Variants in IMMP2L observed in about 807,000 individuals in gnomAD.
IMMP2L encodes the protein inner mitochondrial membrane peptidase subunit 2.
Under a neutral mutation model 19.3 loss-of-function variants are expected in IMMP2L, and 18 were observed. That is an observed-to-expected ratio of 0.93 (90% confidence interval 0.64 to 1.38). The LOEUF is 1.38. Among genes scored for constraint, IMMP2L ranks in the 40% most tolerant of loss-of-function variants. IMMP2L has a pLI of 0.00. For missense variants in IMMP2L, 233 were observed against 218.2 expected (o/e 1.07, Z -0.43); for synonymous variants, 76 against 73.0 (o/e 1.04, Z -0.21).
intron 2 of IMMP2L, among the ~76,000 whole-genome samples, chr7:111,494,035 C>T (rs1049122494): frequency 6.6e-6 from 1 of 151,922 alleles, no homozygotes; most frequent in African/African-American, 2.4e-5. Context: ...TTTTTCAAAT[C>T]GATGAAGTTA....
chr7:110,755,503 A>G (rs577579327), intron 5 of IMMP2L, among the ~76,000 whole-genome samples: 1 of 152,246 alleles, frequency 6.6e-6, no homozygotes, highest in South Asian at 2.1e-4. Context: ...GATAGCCACA[A>G]TCTAAATATA....
At chr7:111,371,158 T>C (rs1830229089) in intron 3 of IMMP2L, among the ~76,000 whole-genome samples, 1 of 151,940 alleles carries the variant, frequency 6.6e-6, no homozygotes. Flanking sequence ...ACATAGCAAC[T>C]TGAGGAGAGT....
chr7:110,680,377 C>T (rs1383099400), intron 5 of IMMP2L, among the ~76,000 whole-genome samples: 1 of 152,160 alleles, frequency 6.6e-6, no homozygotes, highest in African/African-American at 2.4e-5. Flanking sequence ...CTCTGCCTGT[C>T]TCCTCACCCT....
Position 111,342,453 on chromosome 7 carries a change from G to A in IMMP2L, c.239+144785C>T, listed in dbSNP as rs562392436. On this transcript the variant is annotated intron_variant, in intron 3 of 5. Transcript: ENST00000405709. Reference sequence around the variant, plus strand: ...CTAAAAATACAAAAATTAGCTGGGCGTGGTGGCACGTGCCTGTAATCCCAG... The same window carrying A: ...CTAAAAATACAAAAATTAGCTGGGCATGGTGGCACGTGCCTGTAATCCCAG... Among the ~76,000 whole-genome samples the A allele has an allele frequency of 2.1e-4, 32 of 151,910 alleles. 2 individuals carry two copies. The highest frequency in any genetic ancestry group is 6.0e-4 in the African/African-American group (25 of 41,496).
intron 5 of IMMP2L, among the ~76,000 whole-genome samples, chr7:110,784,585 G>A (rs746025414): frequency 6.6e-6 from 1 of 151,966 alleles, no homozygotes; most frequent in Non-Finnish European, 1.5e-5. Flanking sequence ...AAATGTAAAT[G>A]TGATCACCCC....
chr7:111,264,587 T>C (rs1817645058), intron 3 of IMMP2L, among the ~76,000 whole-genome samples: 1 of 151,764 alleles, frequency 6.6e-6, no homozygotes, highest in Non-Finnish European at 1.5e-5. Flanking sequence ...AGCACTATTT[T>C]TGACTTGATT....
intron 3 of IMMP2L, among the ~76,000 whole-genome samples, chr7:111,030,372 C>T (rs1169541892): frequency 6.6e-6 from 1 of 152,040 alleles, no homozygotes; most frequent in African/African-American, 2.4e-5. Flanking sequence ...TCCTTATTTC[C>T]CCATTTAATG....
intron 3 of IMMP2L, among the ~76,000 whole-genome samples, chr7:111,359,294 G>T (rs1829028399): frequency 6.6e-6 from 1 of 151,700 alleles, no homozygotes; most frequent in Non-Finnish European, 1.5e-5. Flanking sequence ...AATTCTCCAG[G>T]TTTTTGTTTG....
chr7:111,243,551 A>G (rs1189312017), intron 3 of IMMP2L, among the ~76,000 whole-genome samples: 1 of 140,320 alleles, frequency 7.1e-6, no homozygotes, highest in Non-Finnish European at 1.5e-5. Flanking sequence ...GTTTTAGGGT[A>G]CATGTGCACA....
intron 3 of IMMP2L, among the ~76,000 whole-genome samples, chr7:111,366,324 C>A (rs1829754354): frequency 6.9e-6 from 1 of 144,746 alleles, no homozygotes; most frequent in Admixed American, 7.0e-5. Flanking sequence ...AAATGAGAAG[C>A]ATTCTATTAA....
intron 3 of IMMP2L, among the ~76,000 whole-genome samples, chr7:110,964,141 G>C (rs1819279369): frequency 6.6e-6 from 1 of 151,948 alleles, no homozygotes; most frequent in Non-Finnish European, 1.5e-5. Context: ...CAAGTTTCCT[G>C]AGAACTTCAC....
chr7:110,717,334 G>A (rs940334282), intron 5 of IMMP2L, among the ~76,000 whole-genome samples: 3 of 152,098 alleles, frequency 2.0e-5, no homozygotes, highest in Non-Finnish European at 2.9e-5. Context: ...AAAAATTAGC[G>A]GGTGTCTGTA....
chr7:111,225,691 CAA>C (rs36112021), intron 3 of IMMP2L, among the ~76,000 whole-genome samples: 17 of 112,624 alleles, frequency 1.5e-4, no homozygotes, highest in African/African-American at 2.6e-4. Context: ...GAGATAGAGC[CAA>C]AAAAAAAAAA....
At position 110,864,413 on chromosome 7, in the gene IMMP2L, G is replaced by A. The variant is rs542909305; in HGVS notation, c.408+22180C>T. Among the ~76,000 whole-genome samples, 8 of 152,044 alleles carry A rather than the reference G, an allele frequency of 5.3e-5. No homozygotes were observed. In the South Asian group the frequency reaches 1.7e-3, roughly 32 times the overall value. On this transcript the variant is annotated intron_variant, in intron 5 of 5. Coordinates refer to ENST00000405709, the MANE Select transcript of IMMP2L (RefSeq NM_032549.4). ...AAGCATGAAAAGAATATTTTTAAGA[G>A]TAATAAAGAGAACTATTGCTGCTAC...
At chr7:110,795,557 C>A (rs924379248) in intron 5 of IMMP2L, among the ~76,000 whole-genome samples, 1 of 152,030 alleles carries the variant, frequency 6.6e-6, no homozygotes, top group African/African-American at 2.4e-5. Context: ...CAAGCATAAG[C>A]ATAGCAGCCA....
intron 1 of IMMP2L, among the ~76,000 whole-genome samples, chr7:111,531,745 T>C (rs1289009726): frequency 6.6e-6 from 1 of 152,156 alleles, no homozygotes; most frequent in Non-Finnish European, 1.5e-5. Flanking sequence ...GCTAACAATG[T>C]GAGGACTTAA....
chr7:111,182,438 A>G lies in IMMP2L; in HGVS notation c.240-218873T>C, dbSNP rs536685101. 9.3e-4 allele frequency among the ~76,000 whole-genome samples: 141 copies of G among 152,080 alleles called. 2 individuals are homozygous for G. Among genetic ancestry groups the G allele is most frequent in the African/African-American group, 3.3e-3 (139 of 41,504 alleles). Reference sequence around the variant, plus strand: ...TCAGAGCCCAGTCCCCGAAAACTCCATGATGCATTCCACTCAAAAGAATCC... The same window carrying G: ...TCAGAGCCCAGTCCCCGAAAACTCCGTGATGCATTCCACTCAAAAGAATCC... On this transcript the variant is annotated intron_variant, in intron 3 of 5. Coordinates refer to ENST00000405709, the MANE Select transcript of IMMP2L (RefSeq NM_032549.4).
chr7:110,983,457 AT>A (rs1159064844), intron 3 of IMMP2L, among the ~76,000 whole-genome samples: 1 of 151,996 alleles, frequency 6.6e-6, no homozygotes, highest in Non-Finnish European at 1.5e-5. Flanking sequence ...GCCTCCTCAT[AT>A]TCTTCCCTTC....
At chr7:111,282,776 G>A (rs537022761) in intron 3 of IMMP2L, among the ~76,000 whole-genome samples, 29 of 152,144 alleles carry the variant, frequency 1.9e-4, no homozygotes, top group African/African-American at 6.7e-4. Context: ...TAGAGACTGG[G>A]TTTCACCATG....
Sources: gnomAD v4.1 joint callset for allele counts (sites outside exome capture counted in the v4.1 genomes callset) on GRCh38, gnomAD v4.1.1 for gene constraint, MANE v1.5 for transcripts, NCBI Gene and HGNC (gene_info 2026-07-23, HGNC 2026-07-21) for gene names.